Variants in PLEKHA8 observed in about 807,000 individuals in gnomAD.
PLEKHA8 encodes pleckstrin homology domain containing A8.
PLEKHA8 carries 36 observed loss-of-function variants against 68.2 expected under a neutral mutation model. The ratio of observed to expected loss-of-function variants is 0.53; its 90% CI spans 0.40 to 0.70. PLEKHA8 has a LOEUF of 0.70. PLEKHA8 is among the 30% of genes least tolerant of loss of function. PLEKHA8 has a pLI of 0.00. For synonymous variants in PLEKHA8, 211 were observed against 216.1 expected (o/e 0.98, Z 0.20); for missense variants, 505 against 615.4 (o/e 0.82, Z 1.90).
At chr7:30,084,657 TC>T (rs1315171111), downstream of PLEKHA8, 1 of 905,656 alleles carries the variant, frequency 1.1e-6, no homozygotes, top group African/African-American at 1.8e-5. Flanking sequence ...AGTATTAAGT[TC>T]TTAAAGGTTT....
At chr7:30,058,418 A>G (rs188357057) in intron 9 of PLEKHA8, among the ~76,000 whole-genome samples, 1 of 149,774 alleles carries the variant, frequency 6.7e-6, no homozygotes, top group Non-Finnish European at 1.5e-5. Context: ...ATTTGTGCCT[A>G]TGAACCACTG....
intron 13 of PLEKHA8, among the ~76,000 whole-genome samples, chr7:30,109,438 A>T (rs928712343): frequency 1.3e-5 from 2 of 151,836 alleles, no homozygotes; most frequent in Non-Finnish European, 2.9e-5. Flanking sequence ...AATACAAAAA[A>T]TTAGCTGGGC....
intron 13 of PLEKHA8, among the ~76,000 whole-genome samples, chr7:30,099,894 T>C (rs1336354534): frequency 2.6e-5 from 4 of 152,188 alleles, no homozygotes; most frequent in African/African-American, 9.7e-5. Context: ...ACCAGGTCGC[T>C]TAAAACAACA....
chr7:30,114,725 G>A lies in PLEKHA8; in HGVS notation c.1363-14541G>A, dbSNP rs148230455. 1.6e-3 allele frequency among the ~76,000 whole-genome samples: 251 copies of A among 152,204 alleles called. 1 individual carries two copies. Among genetic ancestry groups the A allele is most frequent in the African/African-American group, 5.3e-3 (218 of 41,518 alleles). On this transcript the variant is annotated intron_variant, in intron 13 of 13. Transcript: ENST00000396257. ...AGGCTGTTTTTCTGTGAGAATCCCC[G>A]TGGCCTGGGTTGTAAATGTGTCCCT...
In PLEKHA8 at chr7:30,079,044, T is replaced by G; in HGVS notation, c.*257T>G. The G allele has an allele frequency of 8.1e-7, 1 of 1,231,768 alleles. No homozygotes were observed. Among genetic ancestry groups the G allele is most frequent in the Non-Finnish European group, 1.0e-6 (1 of 984,770 alleles). The allele number at this position is 1,231,768 out of a possible 1,614,324, so 76.3% of individuals were successfully genotyped here. A position where few individuals can be genotyped will look rare whatever the true frequency, so the allele number is the denominator to read the frequency against. ...AGCTGCTGTAGACTTGAACAGCAAG[T>G]TATAAGAGCAGATTTAACAAACAAA... On this transcript the variant is annotated 3_prime_UTR_variant, in exon 14 of 14. Coordinates refer to ENST00000449726, the MANE Select transcript of PLEKHA8 (RefSeq NM_001197026.2).
chr7:30,043,952 G>T (rs116168753), intron 1 of PLEKHA8, among the ~76,000 whole-genome samples: 406 of 152,108 alleles, frequency 2.7e-3, no homozygotes, highest in African/African-American at 8.7e-3. Flanking sequence ...AAGGGCTGTG[G>T]CATTTCAGAG....
At chr7:30,055,418 AC>A in intron 9 of PLEKHA8, 76 bp downstream of exon 9, 4 of 1,272,992 alleles carry the variant, frequency 3.1e-6, no homozygotes, top group Non-Finnish European at 4.6e-6. Context: ...CAGGAGAAAT[AC>A]CCCAAACTAT....
At chr7:30,110,437 T>C (rs1042362653) in intron 13 of PLEKHA8, among the ~76,000 whole-genome samples, 4 of 152,264 alleles carry the variant, frequency 2.6e-5, no homozygotes, top group African/African-American at 9.6e-5. Context: ...GCATTTGGAC[T>C]GTTTCCATTT....
intron 12 of PLEKHA8, among the ~76,000 whole-genome samples, chr7:30,067,621 C>T (rs1184178990): frequency 6.6e-6 from 1 of 152,186 alleles, no homozygotes; most frequent in Non-Finnish European, 1.5e-5. Context: ...CCTGAATTTG[C>T]GTAGTTCATT....
chr7:30,098,776 T>A (rs1562548554), intron 13 of PLEKHA8, among the ~76,000 whole-genome samples: 1 of 152,276 alleles, frequency 6.6e-6, no homozygotes, highest in African/African-American at 2.4e-5. Flanking sequence ...CCCTTGCGCT[T>A]CCTGGGTGAT....
chr7:30,032,237 A>G (rs1007992547), intron 1 of PLEKHA8, among the ~76,000 whole-genome samples: 4 of 152,230 alleles, frequency 2.6e-5, no homozygotes, highest in Non-Finnish European at 5.9e-5. Context: ...TTAATACTCT[A>G]GAACGCTGGT....
At chr7:30,096,744 A>G (rs1795636185) in intron 13 of PLEKHA8, among the ~76,000 whole-genome samples, 1 of 152,150 alleles carries the variant, frequency 6.6e-6, no homozygotes, top group Non-Finnish European at 1.5e-5. Context: ...GGGTTTCCTG[A>G]ATACAGCACA....
chr7:30,115,652 A>T (rs545009052), intron 13 of PLEKHA8, among the ~76,000 whole-genome samples: 2 of 151,818 alleles, frequency 1.3e-5, no homozygotes, highest in African/African-American at 4.8e-5. Flanking sequence ...ACACATGTAC[A>T]CATACATGTA....
chr7:30,031,652 T>C (rs1177575622), intron 1 of PLEKHA8, among the ~76,000 whole-genome samples: 1 of 152,154 alleles, frequency 6.6e-6, no homozygotes, highest in Non-Finnish European at 1.5e-5. Context: ...CATGCATGCG[T>C]CTGTGAGAGA....
In PLEKHA8 at chr7:30,081,761, A is replaced by C; in HGVS notation, c.*2974A>C. 1 of 985,408 alleles carries C rather than the reference A, an allele frequency of 1.0e-6. No individual in the cohort carries two copies. The highest frequency in any genetic ancestry group is 1.2e-6 in the Non-Finnish European group (1 of 829,880). The allele number at this position is 985,408 out of a possible 1,614,324, so 61.0% of individuals were successfully genotyped here. The stretch of plus-strand genomic sequence containing the variant: ...CTACTAGGTATTGTAGACACAAATA[A>C]GTAACATTAGGCTAACCCCTTATGA... On this transcript the variant is annotated 3_prime_UTR_variant, in exon 14 of 14. Transcript: ENST00000449726.
rs1019918853 is a variant in PLEKHA8 at position 30,115,792 on chromosome 7, A to G, written c.1363-13474A>G. The G allele has an allele frequency of 1.5e-4, 22 of 145,612 alleles. 2 individuals carry two copies. Among genetic ancestry groups the G allele is most frequent in the Admixed American group, 5.4e-4 (8 of 14,880 alleles). 9.0% of individuals were successfully genotyped at this position (145,612 alleles called of 1,614,324 possible). On this transcript the variant is annotated intron_variant, in intron 13 of 13. Coordinates refer to the PLEKHA8 transcript ENST00000396257. ...CACGTATGCATGCATACATACGTGC[A>G]CATACATGTATACACGCATGCATGT... is the stretch of plus-strand genomic sequence containing the variant.
intron 13 of PLEKHA8, chr7:30,117,972 A>G: frequency 6.5e-7 from 1 of 1,531,268 alleles, no homozygotes; most frequent in Non-Finnish European, 8.7e-7. Context: ...TCTAACAGGG[A>G]CACACAAATG....
At position 30,079,435 on chromosome 7, in the gene PLEKHA8, C is replaced by T. The variant is rs1794811211; in HGVS notation, c.*648C>T. The T allele has an allele frequency of 1.0e-6, 1 of 985,398 alleles. No homozygotes were observed. The highest frequency in any genetic ancestry group is 1.2e-6 in the Non-Finnish European group (1 of 829,950). 61.0% of individuals were successfully genotyped at this position (985,398 alleles called of 1,614,324 possible). ...TTGCTCTGAGAAGATTAATGGTGTG[C>T]CCTAGCCCCAAGTTGGAGGGGAGAA... On this transcript the variant is annotated 3_prime_UTR_variant, in exon 14 of 14. Transcript: ENST00000449726.
intron 9 of PLEKHA8, among the ~76,000 whole-genome samples, chr7:30,055,845 T>C (rs1429845601): frequency 6.6e-6 from 1 of 152,102 alleles, no homozygotes; most frequent in Non-Finnish European, 1.5e-5. Context: ...TTTGTGGATA[T>C]GGGTTTCGTC....
Sources: allele counts gnomAD v4.1 joint callset (sites outside exome capture counted in the v4.1 genomes callset), GRCh38; gene constraint gnomAD v4.1.1; transcripts MANE v1.5; gene names NCBI Gene and HGNC (gene_info 2026-07-23, HGNC 2026-07-21).